RARB: variants seen among roughly 807,000 people sequenced by gnomAD.
RARB encodes HBV-activated protein.
RARB carries 17 observed loss-of-function variants against 51.9 expected under a neutral mutation model. The ratio of observed to expected loss-of-function variants is 0.33; its 90% CI spans 0.22 to 0.49. RARB has a LOEUF of 0.49. Among genes scored for constraint, RARB ranks in the 20% least tolerant of loss-of-function variants. The pLI is 0.99. For missense variants in RARB, 369 were observed against 550.8 expected (o/e 0.67, Z 3.30); for synonymous variants, 215 against 195.4 (o/e 1.10, Z -0.84).
chr3:25,317,997 T>C (rs35706464), intron 5 of RARB, among the ~76,000 whole-genome samples: 86,042 of 151,968 alleles, frequency 0.57, 24,729 homozygotes, highest in East Asian at 0.88. Context: ...AGGCATCCTA[T>C]TGAATAGTTA....
At chr3:24,898,638 C>T (rs1427573155) in intron 2 of RARB, among the ~76,000 whole-genome samples, 1 of 152,090 alleles carries the variant, frequency 6.6e-6, no homozygotes, top group African/African-American at 2.4e-5. Flanking sequence ...TTCTACTTTT[C>T]TATTTTATAT....
intron 1 of RARB, among the ~76,000 whole-genome samples, chr3:25,442,757 T>A (rs1203226552): frequency 6.6e-6 from 1 of 152,200 alleles, no homozygotes; most frequent in Non-Finnish European, 1.5e-5. Context: ...TATTTAGCAC[T>A]TGTTTTGCTA....
chr3:25,096,719 T>C (rs972358837), intron 3 of RARB, among the ~76,000 whole-genome samples: 2 of 152,114 alleles, frequency 1.3e-5, no homozygotes, highest in African/African-American at 4.8e-5. Flanking sequence ...TTTCACCTCC[T>C]AGTATCTCAA....
At chr3:25,534,132 A>G (rs577472451) in intron 3 of RARB, among the ~76,000 whole-genome samples, 2 of 152,342 alleles carry the variant, frequency 1.3e-5, no homozygotes, top group African/African-American at 4.8e-5. Flanking sequence ...ATAATCAATC[A>G]TCAGAAAATG....
chr3:25,470,326 G>T (rs999515670), intron 2 of RARB, among the ~76,000 whole-genome samples: 1 of 152,182 alleles, frequency 6.6e-6, no homozygotes, highest in African/African-American at 2.4e-5. Flanking sequence ...TCGATTACAG[G>T]TAAATGGTAA....
intron 3 of RARB, among the ~76,000 whole-genome samples, chr3:25,529,390 A>T (rs757360804): frequency 6.6e-6 from 1 of 151,504 alleles, no homozygotes; most frequent in South Asian, 2.1e-4. Flanking sequence ...AAAAACATGG[A>T]TGAGGCTTAG....
At chr3:25,268,199 C>T (rs993928066) in intron 5 of RARB, among the ~76,000 whole-genome samples, 1 of 152,156 alleles carries the variant, frequency 6.6e-6, no homozygotes, top group Admixed American at 6.5e-5. Flanking sequence ...CATTAGAGAG[C>T]ATTTGGTGAC....
chr3:25,354,213 A>T (rs1575335825), intron 5 of RARB, among the ~76,000 whole-genome samples: 2 of 152,238 alleles, frequency 1.3e-5, no homozygotes, highest in East Asian at 1.9e-4. Context: ...ACAAGTCTAT[A>T]ATGTGACTCA....
chr3:25,407,548 C>T (rs763429395), intron 5 of RARB, among the ~76,000 whole-genome samples: 3 of 152,128 alleles, frequency 2.0e-5, no homozygotes, highest in Non-Finnish European at 4.4e-5. Context: ...ATCCCACCTG[C>T]TGGTTGTGAC....
At chr3:24,941,689 G>A (rs1253582610) in intron 2 of RARB, among the ~76,000 whole-genome samples, 1 of 152,164 alleles carries the variant, frequency 6.6e-6, no homozygotes. Flanking sequence ...CTTTCAAACA[G>A]AATAAAATAG....
chr3:25,428,723 A>G lies in RARB; in HGVS notation c.-9A>G, dbSNP rs749077401. Reference sequence around the variant, plus strand: ...AGCACTTTTGCAGACATTCAGTGCAAGGGAGATCATGTTTGACTGTATGGA... The same window carrying G: ...AGCACTTTTGCAGACATTCAGTGCAGGGGAGATCATGTTTGACTGTATGGA... On this transcript the variant is annotated 5_prime_UTR_variant, in exon 1 of 8. Transcript: ENST00000330688. 3 of 1,612,920 alleles carry G rather than the reference A, an allele frequency of 1.9e-6. No individual in the cohort carries two copies. The highest frequency in any genetic ancestry group is 1.7e-6 in the Non-Finnish European group (2 of 1,179,084).
intron 2 of RARB, among the ~76,000 whole-genome samples, chr3:24,997,000 A>G (rs1030132922): frequency 6.6e-6 from 1 of 152,058 alleles, no homozygotes; most frequent in African/African-American, 2.4e-5. Context: ...TTTAAATCCA[A>G]TGTTTCTTTG....
chr3:25,424,838 A>G (rs1707947013), upstream of RARB, among the ~76,000 whole-genome samples: 1 of 152,348 alleles, frequency 6.6e-6, no homozygotes, highest in East Asian at 1.9e-4. Flanking sequence ...AGCATGATTC[A>G]TGGTGTTTCT....
At chr3:25,566,508 T>C (rs1462715034) in intron 3 of RARB, among the ~76,000 whole-genome samples, 1 of 152,176 alleles carries the variant, frequency 6.6e-6, no homozygotes, top group Non-Finnish European at 1.5e-5. Flanking sequence ...ACAGTTGTGA[T>C]TTTGCAAACG....
chr3:25,319,606 A>G (rs1311609892), intron 5 of RARB, among the ~76,000 whole-genome samples: 1 of 152,108 alleles, frequency 6.6e-6, no homozygotes, highest in Non-Finnish European at 1.5e-5. Flanking sequence ...CACAGGCCTA[A>G]GAATTCCGTT....
chr3:25,000,880 A>T (rs894567232), intron 2 of RARB, among the ~76,000 whole-genome samples: 3 of 152,200 alleles, frequency 2.0e-5, no homozygotes, highest in African/African-American at 7.2e-5. Flanking sequence ...GCACTCATGA[A>T]GATCAAATTG....
At chr3:24,834,030 GA>G (rs970204321) in intron 1 of RARB, among the ~76,000 whole-genome samples, 1 of 152,174 alleles carries the variant, frequency 6.6e-6, no homozygotes, top group Non-Finnish European at 1.5e-5. Flanking sequence ...ATATTTTGCA[GA>G]TTATATAAGT....
intron 5 of RARB, among the ~76,000 whole-genome samples, chr3:25,367,828 C>CAAAAAAAAAAAAAAAAAA (rs1559374236): frequency 7.2e-6 from 1 of 139,424 alleles, no homozygotes; most frequent in African/African-American, 2.7e-5. Flanking sequence ...AAAAAAAAAA[C>CAAAAAAAAAAAAAAAAAA]AAAAACAAAA....
chr3:24,949,745 C>A (rs1451893640), intron 2 of RARB, among the ~76,000 whole-genome samples: 2 of 152,306 alleles, frequency 1.3e-5, no homozygotes, highest in South Asian at 4.1e-4. Context: ...ACGCTACAGT[C>A]TCTGAGAAAG....
Sources: allele counts gnomAD v4.1 joint callset (sites outside exome capture counted in the v4.1 genomes callset), GRCh38; gene constraint gnomAD v4.1.1; transcripts MANE v1.5; gene names NCBI Gene and HGNC (gene_info 2026-07-23, HGNC 2026-07-21).